The following ZNF444 variants were observed in gnomAD, a reference collection of about 807,000 sequenced individuals.
ZNF444 encodes the protein zinc finger protein 444.
A neutral mutation model predicts 14.4 loss-of-function variants in ZNF444; 8 were observed. The ratio of observed to expected loss-of-function variants is 0.56; its 90% CI spans 0.33 to 1.00. The LOEUF is 1.00. Ranked by LOEUF, ZNF444 falls within the 50% of genes least tolerant of loss-of-function variation. ZNF444 has a pLI of 0.03. For synonymous variants in ZNF444, 258 were observed against 235.9 expected, an observed-to-expected ratio of 1.09 and a Z score of -0.86; for missense variants, 510 against 504.8, an observed-to-expected ratio of 1.01 and a Z score of -0.10.
chr19:56,135,837 G>A (rs530949581), intron 1 of ZNF444, among the ~76,000 whole-genome samples: 15 of 151,776 alleles, frequency 9.9e-5, no homozygotes, highest in African/African-American at 3.4e-4. Context: ...CCAGCACTTC[G>A]GGAGGCTGAG....
chr19:56,141,124 G>A (rs1165156020), upstream of ZNF444: 1 of 151,878 alleles, frequency 6.6e-6, no homozygotes, highest in East Asian at 2.0e-4. Flanking sequence ...GTCCCCAGGC[G>A]AGGGCCAATT....
intron 3 of ZNF444, chr19:56,155,638 C>T (rs981743198): frequency 7.9e-5 from 12 of 152,578 alleles, no homozygotes; most frequent in African/African-American, 2.4e-4. Context: ...CTGCAGGGTC[C>T]GTCCTGGGTA....
intron 3 of ZNF444, chr19:56,150,463 T>C (rs1201557614): frequency 8.3e-6 from 3 of 363,356 alleles, no homozygotes; most frequent in African/African-American, 4.3e-5. Flanking sequence ...GCATCTCTCT[T>C]GTATCTGTTA....
chr19:56,159,500 C>CA (rs760067634), intron 4 of ZNF444, 124 bp from the exon 5 acceptor site: 42 of 836,772 alleles, frequency 5.0e-5, no homozygotes, highest in Non-Finnish European at 7.0e-5. Flanking sequence ...GCCCACAGCC[C>CA]AGCCCTCTTC....
chr19:56,139,256 C>G (rs914244618), upstream of ZNF444, among the ~76,000 whole-genome samples: 2 of 152,044 alleles, frequency 1.3e-5, no homozygotes, highest in African/African-American at 4.8e-5. Context: ...AGAGTGGAAG[C>G]ATGACAGTGT....
intron 3 of ZNF444, chr19:56,154,801 G>A (rs2031805631): frequency 6.6e-6 from 1 of 152,260 alleles, no homozygotes; most frequent in Non-Finnish European, 1.5e-5. Flanking sequence ...TGATCCCACA[G>A]TGGGTGGACA....
chr19:56,160,191 C>T lies in ZNF444; in HGVS notation c.974C>T (p.Pro325Leu). 3.4e-6 allele frequency: 5 copies of T among 1,458,820 alleles called. No individual in the cohort carries two copies. Among genetic ancestry groups the T allele is most frequent in the Non-Finnish European group, 4.5e-6 (5 of 1,115,850 alleles). The allele number at this position is 1,458,820 out of a possible 1,614,324, so 90.4% of individuals were successfully genotyped here. Residue 325 changes from proline to leucine, a missense_variant, in exon 5 of 5, where the codon CCC (proline) becomes CTC (leucine). Physicochemically the swap from Pro to Leu is moderately conservative, Grantham distance 98. Coordinates refer to ENST00000337080, the MANE Select transcript of ZNF444 (RefSeq NM_018337.4). ...PDGGGPFPPWPLG is the reference protein window; with the variant it reads ...PDGGGPFPPWLLG ...GGTGGAGGCCCCTTCCCGCCCTGGC[C>T]CTTGGGTTAGCCGCCTCCCGGCCAG...
At chr19:56,153,200 T>G (rs1599891466) in intron 3 of ZNF444, among the ~76,000 whole-genome samples, 1 of 152,202 alleles carries the variant, frequency 6.6e-6, no homozygotes, top group Admixed American at 6.5e-5. Flanking sequence ...TTCTAAGGAC[T>G]GTTCCCATCT....
intron 3 of ZNF444, chr19:56,154,336 CT>C (rs2031766924): frequency 1.3e-5 from 2 of 152,236 alleles, no homozygotes; most frequent in African/African-American, 4.8e-5. Flanking sequence ...GAGTCTCACT[CT>C]GTCGCCCAGG....
At chr19:56,149,171 T>TC (rs1245598827) in intron 3 of ZNF444, among the ~76,000 whole-genome samples, 1 of 84,508 alleles carries the variant, frequency 1.2e-5, no homozygotes, top group Non-Finnish European at 2.2e-5. Flanking sequence ...TCTGCTTTCA[T>TC]CCCCATCACT....
chr19:56,140,353 A>T (rs1259176513), upstream of ZNF444, among the ~76,000 whole-genome samples: 1 of 151,984 alleles, frequency 6.6e-6, no homozygotes, highest in Non-Finnish European at 1.5e-5. Flanking sequence ...ATCTCTTAGG[A>T]TGTCTGTCTG....
intron 4 of ZNF444, 21 bp downstream of exon 4, chr19:56,158,623 G>T (rs1160956983): frequency 1.3e-6 from 2 of 1,583,176 alleles, no homozygotes; most frequent in African/African-American, 1.4e-5. Context: ...GGCCTCTCTG[G>T]TTCTCCCCGC....
At chr19:56,139,004 C>G (rs1037662563), upstream of ZNF444, among the ~76,000 whole-genome samples, 1 of 151,812 alleles carries the variant, frequency 6.6e-6, no homozygotes, top group Admixed American at 6.6e-5. Context: ...ACCATGTTGG[C>G]CAGGGTGGTC....
chr19:56,158,834 C>A (rs1225146155), intron 4 of ZNF444, among the ~76,000 whole-genome samples: 1 of 151,976 alleles, frequency 6.6e-6, no homozygotes, highest in Non-Finnish European at 1.5e-5. Context: ...ATCATCCACC[C>A]TCCACCTATC....
In ZNF444 at chr19:56,160,309, C is replaced by T. The variant is rs2032215232; in HGVS notation, c.*108C>T. On this transcript the variant is annotated 3_prime_UTR_variant, in exon 5 of 5. Coordinates refer to ENST00000337080, the MANE Select transcript of ZNF444 (RefSeq NM_018337.4). Reference sequence around the variant, plus strand: ...TCCTCTCCTCCTTCCCTCCCATCGTCCTCCTCCACCTGCGCCTCCCTTGTC... The same window carrying T: ...TCCTCTCCTCCTTCCCTCCCATCGTTCTCCTCCACCTGCGCCTCCCTTGTC... 2 of 868,144 alleles carry T rather than the reference C, an allele frequency of 2.3e-6. No individual in the cohort carries two copies. Among genetic ancestry groups the T allele is most frequent in the Admixed American group, 4.1e-5 (1 of 24,378 alleles). 53.8% of individuals were successfully genotyped at this position (868,144 alleles called of 1,614,324 possible). A position where few individuals can be genotyped will look rare whatever the true frequency, so the allele number is the denominator to read the frequency against.
chr19:56,153,324 CAT>C (rs1489125136), intron 3 of ZNF444, among the ~76,000 whole-genome samples: 1 of 152,180 alleles, frequency 6.6e-6, no homozygotes, highest in African/African-American at 2.4e-5. Flanking sequence ...AATGTAGTCT[CAT>C]ATAGTCTCCT....
At chr19:56,136,177 C>CT (rs1312321675) in intron 1 of ZNF444, among the ~76,000 whole-genome samples, 12 of 151,370 alleles carry the variant, frequency 7.9e-5, no homozygotes, top group African/African-American at 2.9e-4. Context: ...TCCCAACTCT[C>CT]TGAGTGTGTT....
Position 56,160,429 on chromosome 19 carries a change from T to G in ZNF444, c.*228T>G. The G allele has an allele frequency of 2.1e-6, 1 of 469,552 alleles. No homozygotes were observed. The allele number at this position is 469,552 out of a possible 1,614,324, so 29.1% of individuals were successfully genotyped here. A position where few individuals can be genotyped will look rare whatever the true frequency, so the allele number is the denominator to read the frequency against. Reference sequence around the variant, plus strand: ...CTCACCTCAGCCCCCCCCTTCTCCCTGATTTCTCGGCCTCTCTCTCTGTGT... The same window carrying G: ...CTCACCTCAGCCCCCCCCTTCTCCCGGATTTCTCGGCCTCTCTCTCTGTGT... On this transcript the variant is annotated 3_prime_UTR_variant, in exon 5 of 5. Transcript: ENST00000337080.
At chr19:56,146,868 C>T in intron 2 of ZNF444, 22 bp from the exon 3 acceptor site, 1 of 1,351,486 alleles carries the variant, frequency 7.4e-7, no homozygotes, top group Non-Finnish European at 9.5e-7. Context: ...GGGCAGGGGT[C>T]TCACCGGCTT....
Sources: allele counts gnomAD v4.1 joint callset (sites outside exome capture counted in the v4.1 genomes callset), GRCh38; gene constraint gnomAD v4.1.1; transcripts MANE v1.5; gene names NCBI Gene and HGNC (gene_info 2026-07-23, HGNC 2026-07-21).